ABCB1: variants seen among roughly 807,000 people sequenced by gnomAD.
ABCB1 encodes the protein ATP-dependent translocase ABCB1.
A neutral mutation model predicts 142.0 loss-of-function variants in ABCB1; 69 were observed. The ratio of observed to expected loss-of-function variants is 0.49; its 90% CI spans 0.40 to 0.59. ABCB1 has a LOEUF of 0.59. Among genes scored for constraint, ABCB1 ranks in the 20% least tolerant of loss-of-function variants. The pLI is 0.00. For synonymous variants in ABCB1, 532 were observed against 539.2 expected, an observed-to-expected ratio of 0.99 and a Z score of 0.18; for missense variants, 1,326 against 1,554.7, an observed-to-expected ratio of 0.85 and a Z score of 2.47.
intron 19 of ABCB1, chr7:87,537,007 C>T (rs897819043): frequency 5.0e-6 from 1 of 200,080 alleles, no homozygotes; most frequent in Non-Finnish European, 1.0e-5. Context: ...GCAGAAACAG[C>T]ATGTGCAAAG....
intron 1 of ABCB1, among the ~76,000 whole-genome samples, chr7:87,648,958 C>T (rs1002303946): frequency 6.6e-6 from 1 of 151,472 alleles, no homozygotes; most frequent in African/African-American, 2.4e-5. Flanking sequence ...CCCTTTATGC[C>T]TGTCTCCTGT....
intron 20 of ABCB1, among the ~76,000 whole-genome samples, chr7:87,533,606 T>C (rs1816156228): frequency 6.6e-6 from 1 of 152,186 alleles, no homozygotes. Context: ...ACACTCACTG[T>C]CCTACATCTA....
Position 87,505,799 on chromosome 7 carries a change from G to T in ABCB1, c.3636+98C>A, listed in dbSNP as rs1279807047. On this transcript the variant is annotated intron_variant, in intron 27 of 27. Transcript: ENST00000622132. ...TTACTGAAAGGTGATGTAAGTAACT[G>T]TCAATAATCTGGCTGCATTTTGTTC... 2.8e-6 allele frequency: 4 copies of T among 1,421,388 alleles called. No homozygotes were observed. In the African/African-American group the frequency reaches 4.2e-5, roughly 15 times the overall value. 88.0% of individuals were successfully genotyped at this position (1,421,388 alleles called of 1,614,324 possible). A position where few individuals can be genotyped will look rare whatever the true frequency, so the allele number is the denominator to read the frequency against.
At chr7:87,678,125 G>A (rs182705849) in intron 1 of ABCB1, among the ~76,000 whole-genome samples, 4 of 152,310 alleles carry the variant, frequency 2.6e-5, no homozygotes, top group Admixed American at 2.6e-4. Context: ...CAGAAACTGT[G>A]AATATCTAAA....
chr7:87,534,601 C>A (rs1232923781), intron 20 of ABCB1, among the ~76,000 whole-genome samples: 1 of 152,078 alleles, frequency 6.6e-6, no homozygotes, highest in Non-Finnish European at 1.5e-5. Context: ...GCTTCTCCAA[C>A]AGGCTTCTGA....
intron 16 of ABCB1, 50 bp downstream of exon 16, chr7:87,544,772 AG>A: frequency 4.4e-6 from 7 of 1,597,788 alleles, no homozygotes; most frequent in Non-Finnish European, 6.0e-6. Context: ...CCACCAAACT[AG>A]GGAACCACAG....
At chr7:87,661,663 G>T (rs1824730703) in intron 1 of ABCB1, among the ~76,000 whole-genome samples, 4 of 151,146 alleles carry the variant, frequency 2.6e-5, no homozygotes, top group African/African-American at 7.3e-5. Context: ...TTATTCATTT[G>T]TCTGTTTCTT....
At chr7:87,690,410 T>C (rs2130641879) in intron 1 of ABCB1, among the ~76,000 whole-genome samples, 1 of 152,284 alleles carries the variant, frequency 6.6e-6, no homozygotes, top group African/African-American at 2.4e-5. Flanking sequence ...ATTAGCACAA[T>C]TTAGGTACTC....
intron 25 of ABCB1, 76 bp from the exon 26 acceptor site, chr7:87,509,557 T>A: frequency 4.1e-6 from 6 of 1,479,732 alleles, no homozygotes; most frequent in Non-Finnish European, 4.7e-6. Flanking sequence ...CATTATTTCT[T>A]ACACTGAAAC....
At chr7:87,701,776 T>C (rs1233935582) in intron 1 of ABCB1, among the ~76,000 whole-genome samples, 3 of 152,144 alleles carry the variant, frequency 2.0e-5, no homozygotes, top group Non-Finnish European at 4.4e-5. Flanking sequence ...AACAACACAT[T>C]GTTACAGATG....
In ABCB1 at chr7:87,504,453, T is replaced by C. The variant is rs202003598; in HGVS notation, c.3637-4A>G. 1 of 1,613,930 alleles carries C rather than the reference T, an allele frequency of 6.2e-7. No homozygotes were observed. The highest frequency in any genetic ancestry group is 8.5e-7 in the Non-Finnish European group (1 of 1,179,940). ...TGTCCAGGGCTTCTTGGACAACCTA[T>C]TCCATAATCACATAGATTAATTCTC... On this transcript the variant is annotated splice_polypyrimidine_tract_variant and splice_region_variant and intron_variant, in intron 27 of 27. Transcript: ENST00000622132.
intron 14 of ABCB1, among the ~76,000 whole-genome samples, chr7:87,548,169 A>AAGGGGAGGGAAGGGAAGGGAAGGGAAG (rs1816880471): frequency 4.6e-5 from 1 of 21,804 alleles, no homozygotes; most frequent in Non-Finnish European, 8.9e-5. Context: ...GGGGAGGGAA[A>AAGGGGAGGGAAGGGAAGGGAAGGGAAG]GGAAGGGAAG....
At chr7:87,511,055 T>G (rs1038040717) in intron 25 of ABCB1, among the ~76,000 whole-genome samples, 9 of 152,140 alleles carry the variant, frequency 5.9e-5, no homozygotes, top group Non-Finnish European at 1.2e-4. Flanking sequence ...CACAGGCAAA[T>G]CTGAATGATC....
At chr7:87,516,365 G>A (rs1278269351) in intron 24 of ABCB1, 144 bp downstream of exon 24, 1 of 987,366 alleles carries the variant, frequency 1.0e-6, no homozygotes, top group African/African-American at 1.6e-5. Flanking sequence ...TATATTATTA[G>A]CAGTAATTGA....
At chr7:87,521,276 T>C (rs1157415560) in intron 21 of ABCB1, among the ~76,000 whole-genome samples, 3 of 152,240 alleles carry the variant, frequency 2.0e-5, no homozygotes, top group African/African-American at 7.2e-5. Flanking sequence ...TATATTTTTC[T>C]CTTTATCATT....
At chr7:87,578,462 G>A (rs1282878873) in intron 4 of ABCB1, among the ~76,000 whole-genome samples, 3 of 152,074 alleles carry the variant, frequency 2.0e-5, no homozygotes, top group Non-Finnish European at 4.4e-5. Context: ...AATGTCACTG[G>A]TATTTTGATA....
At chr7:87,514,649 TC>T (rs1815154928) in intron 25 of ABCB1, among the ~76,000 whole-genome samples, 1 of 152,240 alleles carries the variant, frequency 6.6e-6, no homozygotes, top group South Asian at 2.1e-4. Flanking sequence ...TATTTGCCTT[TC>T]TTTTACTTTC....
intron 5 of ABCB1, among the ~76,000 whole-genome samples, chr7:87,568,018 G>A (rs1418134874): frequency 1.3e-5 from 2 of 151,516 alleles, no homozygotes; most frequent in Non-Finnish European, 2.9e-5. Flanking sequence ...CAGAAGAATC[G>A]CTTGAGCCCA....
intron 19 of ABCB1, 55 bp from the exon 20 acceptor site, chr7:87,536,596 T>C: frequency 6.4e-7 from 1 of 1,550,866 alleles, no homozygotes; most frequent in Non-Finnish European, 8.9e-7. Flanking sequence ...GACTCTCAGC[T>C]CCAAGAGGGC....
Sources: allele counts gnomAD v4.1 joint callset (sites outside exome capture counted in the v4.1 genomes callset), GRCh38; gene constraint gnomAD v4.1.1; transcripts MANE v1.5; gene names NCBI Gene and HGNC (gene_info 2026-07-23, HGNC 2026-07-21).